The following STARD9 variants were observed in gnomAD, a reference collection of about 807,000 sequenced individuals.
The protein encoded by STARD9 is stAR-related lipid transfer protein 9.
Under a neutral mutation model 399.8 loss-of-function variants are expected in STARD9, and 346 were observed. That is an observed-to-expected ratio of 0.87 (90% CI 0.79 to 0.95). The LOEUF (loss-of-function observed/expected upper bound fraction) is 0.95. Among genes scored for constraint, STARD9 ranks in the 40% least tolerant of loss-of-function variants. STARD9 has a pLI of 0.00. For synonymous variants in STARD9, 2,203 were observed against 2,143.5 expected, an observed-to-expected ratio of 1.03 and a Z score of -0.77; for missense variants, 5,832 against 5,667.5, an observed-to-expected ratio of 1.03 and a Z score of -0.93.
In STARD9 at chr15:42,686,650, A is replaced by G. The variant is rs2060565329; in HGVS notation, c.5072A>G (p.His1691Arg). The G allele has an allele frequency of 2.0e-6, 3 of 1,537,450 alleles. No homozygotes were observed. The highest frequency in any genetic ancestry group is 2.6e-6 in the Non-Finnish European group (3 of 1,146,996). Residue 1691 changes from histidine (H) to arginine (R), a missense_variant, in exon 23 of 33, where the codon CAC (histidine) becomes CGC (arginine). Physicochemically the swap from His to Arg is conservative, Grantham distance 29 (BLOSUM62 0). This residue lies in a region of STARD9 where 5,828 missense variants were observed against 5,651.1 expected (regional missense o/e 1.03). Transcript: ENST00000290607. ...CCAGGGCAATTAAGTCCCGACAGCC[A>G]CTACCCACTAGAGGAAGAGAAGACA... ...VQPGQLSPDS[H>R]YPLEEEKTDC...
chr15:42,577,995 G>C (rs1439372757), intron 1 of STARD9, among the ~76,000 whole-genome samples: 1 of 152,174 alleles, frequency 6.6e-6, no homozygotes, highest in East Asian at 1.9e-4. Context: ...TCTAAAAGTA[G>C]TAAGAGCCAA....
rs1239666444 is a variant in STARD9 at position 42,684,777 on chromosome 15, C to T, written c.3199C>T (p.Pro1067Ser). Residue 1067 changes from proline to serine, a missense_variant, in exon 23 of 33, where the codon CCT becomes TCT. By Grantham distance (74) the Pro-to-Ser change is moderately conservative (BLOSUM62 -1). Coordinates refer to ENST00000290607, the MANE Select transcript of STARD9 (RefSeq NM_020759.3). ...KKSSHLPLGS[P>S]LKRQQNTRDP... ...GTCCTCTCACTTGCCTCTTGGCAGT[C>T]CTTTGAAGAGACAACAAAATACAAG... 1.8e-5 allele frequency: 27 copies of T among 1,537,108 alleles called. No individual in the cohort carries two copies. Among genetic ancestry groups the T allele is most frequent in the African/African-American group, 2.7e-5 (2 of 73,036 alleles).
chr15:42,718,222 G>A, intron 30 of STARD9, 43 bp downstream of exon 30: 2 of 1,509,620 alleles, frequency 1.3e-6, no homozygotes, highest in Non-Finnish European at 8.9e-7. Flanking sequence ...CTAGTTTCTG[G>A]TGTGCCCAGT....
In STARD9 at chr15:42,682,202, G is replaced by A; in HGVS notation, c.2164G>A (p.Ala722Thr). Residue 722 changes from alanine (A) to threonine (T), a missense_variant, in exon 22 of 33, where the codon GCA becomes ACA. Physicochemically the swap from Ala to Thr is moderately conservative, Grantham distance 58 (BLOSUM62 0). Transcript: ENST00000290607. ...AGAGAAAGAACTTGAGGCATCTGTG[G>A]CACTTGATGCTTGGCTTCAGACAGA... Reference protein sequence around the residue: ...VAEKELEASVALDAWLQTDPE... With the variant: ...VAEKELEASVTLDAWLQTDPE... 2 of 1,537,242 alleles carry A rather than the reference G, an allele frequency of 1.3e-6. No individual in the cohort carries two copies. The highest frequency in any genetic ancestry group is 1.7e-6 in the Non-Finnish European group (2 of 1,146,890).
intron 26 of STARD9, among the ~76,000 whole-genome samples, chr15:42,702,299 G>C (rs2060983620): frequency 6.6e-6 from 1 of 152,040 alleles, no homozygotes; most frequent in Non-Finnish European, 1.5e-5. Context: ...TGCCTCCCGG[G>C]TTCAAATGAT....
chr15:42,704,262 T>A (rs1016813700), intron 26 of STARD9, among the ~76,000 whole-genome samples: 24 of 152,188 alleles, frequency 1.6e-4, no homozygotes, highest in African/African-American at 5.3e-4. Flanking sequence ...TCTGAATTAT[T>A]TCTCTGTGTT....
chr15:42,644,781 T>G (rs912885819), intron 7 of STARD9, among the ~76,000 whole-genome samples: 11 of 152,360 alleles, frequency 7.2e-5, no homozygotes, highest in African/African-American at 2.6e-4. Flanking sequence ...CAATAGAACT[T>G]ATTTCAGAGC....
intron 26 of STARD9, among the ~76,000 whole-genome samples, chr15:42,703,002 C>G (rs1454316836): frequency 6.6e-6 from 1 of 151,926 alleles, no homozygotes; most frequent in Non-Finnish European, 1.5e-5. Flanking sequence ...ACTATGTTGC[C>G]CAGGCTGGTC....
At chr15:42,639,460 G>A (rs2059489508) in intron 7 of STARD9, among the ~76,000 whole-genome samples, 1 of 152,188 alleles carries the variant, frequency 6.6e-6, no homozygotes. Flanking sequence ...CTGGTGTTTG[G>A]TGCTTGGTAC....
intron 15 of STARD9, among the ~76,000 whole-genome samples, chr15:42,667,745 C>G (rs887806973): frequency 6.6e-6 from 1 of 152,190 alleles, no homozygotes; most frequent in African/African-American, 2.4e-5. Context: ...TCCCAAAGTG[C>G]TGGGATTACA....
intron 7 of STARD9, 28 bp from the exon 8 acceptor site, chr15:42,650,988 T>C: frequency 6.9e-7 from 1 of 1,451,984 alleles, no homozygotes. Flanking sequence ...TCATTTAATT[T>C]CTTTTTTCCG....
chr15:42,650,903 C>A, intron 7 of STARD9, 113 bp from the exon 8 acceptor site: 1 of 666,242 alleles, frequency 1.5e-6, no homozygotes, highest in African/African-American at 1.8e-5. Context: ...CAGATTCCCT[C>A]ATTTTTGTCT....
rs2060036069 is a variant in STARD9, at chr15:42,663,805, C to A, written c.1079-15C>A. ...ATGGGCTGGCATGTTTTTAAACTTT[C>A]TCCTTCTACCTCAGCGGTGTCTCCT... On this transcript the variant is annotated splice_polypyrimidine_tract_variant and intron_variant, in intron 12 of 32. Coordinates refer to ENST00000290607, the MANE Select transcript of STARD9 (RefSeq NM_020759.3). 8 of 1,524,330 alleles carry A rather than the reference C, an allele frequency of 5.2e-6. No homozygotes were observed. The highest frequency in any genetic ancestry group is 3.6e-5 in the South Asian group (3 of 83,764). The allele number at this position is 1,524,330 out of a possible 1,614,324, so 94.4% of individuals were successfully genotyped here.
chr15:42,586,874 G>A (rs1434912962), intron 3 of STARD9, among the ~76,000 whole-genome samples: 4 of 151,346 alleles, frequency 2.6e-5, no homozygotes, highest in African/African-American at 4.9e-5. Context: ...GCCGGGGGGC[G>A]GAGATGATCT....
intron 3 of STARD9, among the ~76,000 whole-genome samples, chr15:42,592,128 G>A (rs1243615951): frequency 6.6e-6 from 1 of 152,116 alleles, no homozygotes; most frequent in Admixed American, 6.5e-5. Context: ...TACCCTAAAA[G>A]GTAGAGGATT....
chr15:42,687,478 G>A lies in STARD9; in HGVS notation c.5900G>A (p.Gly1967Asp). Residue 1967 changes from glycine (G) to aspartate (D), a missense_variant, in exon 23 of 33, where the codon GGC becomes GAC. Around this residue, in one of 2 missense-constraint regions of STARD9, gnomAD observed 5,828 missense variants for 5,651.1 expected, o/e 1.03. Coordinates refer to ENST00000290607, the MANE Select transcript of STARD9 (RefSeq NM_020759.3). ...CCAGTGATGGTGGCCCAGGGTGGTG[G>A]CCCAACCCCTAAGTGGGAAGGGAAA... ...SSPVMVAQGG[G>D]PTPKWEGKNE... 2.0e-6 allele frequency: 3 copies of A among 1,537,196 alleles called. No individual in the cohort carries two copies. Among genetic ancestry groups the A allele is most frequent in the Non-Finnish European group, 2.6e-6 (3 of 1,146,914 alleles).
rs756744591 is a variant in STARD9, at chr15:42,681,515, C to T, written c.1968C>T (p.Tyr656=). 70 of 1,536,998 alleles carry T rather than the reference C, an allele frequency of 4.6e-5. No homozygotes were observed. The highest frequency in any genetic ancestry group is 1.4e-4 in the Admixed American group (7 of 50,966). Reference sequence around the variant, plus strand: ...CCCAGATTCAGCAGCAGCAGAGCTACGTAGAGGATTTGAGGCATCAAATCC... The same window carrying T: ...CCCAGATTCAGCAGCAGCAGAGCTATGTAGAGGATTTGAGGCATCAAATCC... ...HRAQIQQQQS[Y]VEDLRHQILA... The change falls in exon 21 of 33, where the codon TAC becomes TAT. Residue 656 remains tyrosine, a synonymous_variant. Coordinates refer to ENST00000290607, the MANE Select transcript of STARD9 (RefSeq NM_020759.3).
chr15:42,677,117 AG>A (rs1202027164), intron 20 of STARD9, among the ~76,000 whole-genome samples: 2 of 146,196 alleles, frequency 1.4e-5, no homozygotes, highest in African/African-American at 2.5e-5. Flanking sequence ...AAAAAAAAAA[AG>A]CTGGGCATGG....
chr15:42,665,793 T>C lies in STARD9; in HGVS notation c.1262T>C (p.Phe421Ser), dbSNP rs776387142. 2.0e-6 allele frequency: 3 copies of C among 1,537,068 alleles called. No homozygotes were observed. Among genetic ancestry groups the C allele is most frequent in the South Asian group, 2.4e-5 (2 of 84,064 alleles). ...ATCTCTATCTTTGTGCAGAGAAACT[T>C]CAGTTCATTGAGTGATGAAAACCTG... Reference protein sequence around the residue: ...ALLLSFELRNFSSLSDENLKE... With the variant: ...ALLLSFELRNSSSLSDENLKE... Residue 421 changes from phenylalanine to serine, a missense_variant, in exon 15 of 33, where the codon TTC (phenylalanine) becomes TCC (serine). By Grantham distance (155) the Phe-to-Ser change is radical. Transcript: ENST00000290607.
Sources: allele counts gnomAD v4.1 joint callset (sites outside exome capture counted in the v4.1 genomes callset), GRCh38; gene constraint gnomAD v4.1.1; regional missense constraint gnomAD v4.1.1; transcripts MANE v1.5; gene names NCBI Gene and HGNC (gene_info 2026-07-23, HGNC 2026-07-21).